CDHR3: variants seen among roughly 807,000 people sequenced by gnomAD.
CDHR3 encodes the protein cadherin related family member 3, also known as cadherin-related family member 3.
A neutral mutation model predicts 86.6 loss-of-function variants in CDHR3; 79 were observed. The ratio of observed to expected loss-of-function variants is 0.91; its 90% CI spans 0.76 to 1.10. CDHR3 has a LOEUF of 1.10. CDHR3 is among the 50% of genes least tolerant of loss of function. The pLI, the probability that CDHR3 is intolerant of heterozygous loss-of-function variation, is 0.00. For synonymous variants in CDHR3, 421 were observed against 402.4 expected, an observed-to-expected ratio of 1.05 and a Z score of -0.55; for missense variants, 1,081 against 1,077.6, an observed-to-expected ratio of 1.00 and a Z score of -0.04.
chr7:105,976,984 T>C (rs996342057), intron 2 of CDHR3, among the ~76,000 whole-genome samples: 20 of 91,666 alleles, frequency 2.2e-4, no homozygotes, highest in Non-Finnish European at 4.2e-4. Flanking sequence ...CCTGATCTCT[T>C]TTTTTTTTTT....
At chr7:106,026,900 A>G (rs1232907040) in intron 16 of CDHR3, among the ~76,000 whole-genome samples, 2 of 152,142 alleles carry the variant, frequency 1.3e-5, no homozygotes, top group African/African-American at 4.8e-5. Context: ...GCCTGCCTGG[A>G]TATCTCAATT....
intron 2 of CDHR3, among the ~76,000 whole-genome samples, chr7:105,975,971 G>A (rs1450495481): frequency 2.0e-5 from 3 of 152,154 alleles, no homozygotes; most frequent in South Asian, 2.1e-4. Context: ...GCAGACCTGC[G>A]GAACCCATGA....
In CDHR3 at chr7:106,022,324, A is replaced by G. The variant is rs1254715739; in HGVS notation, c.1952A>G (p.Tyr651Cys). 11 of 1,613,878 alleles carry G rather than the reference A, an allele frequency of 6.8e-6. No homozygotes were observed. Among genetic ancestry groups the G allele is most frequent in the South Asian group, 5.5e-5 (5 of 91,084 alleles). ...ATCTGGGACTACAAGCTACTTGTCT[A>G]CGTAACTGATGACAACTTGATGTCT... ...DKIWDYKLLVYVTDDNLMSDR... is the reference protein window; with the variant it reads ...DKIWDYKLLVCVTDDNLMSDR... Residue 651 changes from tyrosine to cysteine, a missense_variant, in exon 14 of 19, where the codon TAC becomes TGC. Coordinates refer to ENST00000317716, the MANE Select transcript of CDHR3 (RefSeq NM_152750.5).
chr7:105,993,677 C>CAAAAAA (rs55787798), intron 4 of CDHR3, among the ~76,000 whole-genome samples: 10 of 91,754 alleles, frequency 1.1e-4, no homozygotes, highest in Non-Finnish European at 2.0e-4. Flanking sequence ...CTCTGTCTCA[C>CAAAAAA]AAAAAAAAAA....
chr7:105,983,629 C>T (rs138858039), intron 3 of CDHR3, among the ~76,000 whole-genome samples: 282 of 152,272 alleles, frequency 1.9e-3, no homozygotes, highest in African/African-American at 6.5e-3. Flanking sequence ...TCCCTCCTCC[C>T]CCATCACTGT....
intron 16 of CDHR3, among the ~76,000 whole-genome samples, chr7:106,027,221 C>T (rs539517069): frequency 3.9e-5 from 6 of 151,942 alleles, no homozygotes; most frequent in Non-Finnish European, 8.8e-5. Flanking sequence ...ATGGTGAAAC[C>T]CCCGTCTCTA....
Position 106,032,648 on chromosome 7 carries a change from A to C in CDHR3, c.2609A>C (p.Asn870Thr), listed in dbSNP as rs771563592. 7 of 1,613,856 alleles carry C rather than the reference A, an allele frequency of 4.3e-6. No individual in the cohort carries two copies. The highest frequency in any genetic ancestry group is 5.9e-6 in the Non-Finnish European group (7 of 1,179,832). The change falls in exon 19 of 19, where the codon AAT (asparagine) becomes ACT (threonine). Residue 870 changes from asparagine (N) to threonine (T), a missense_variant. By Grantham distance (65) the Asn-to-Thr change is moderately conservative (BLOSUM62 0). Transcript: ENST00000317716. ...AAGCTGGGCAACCCAAAGAACAGAA[A>C]TCCAGCCTTCATGAACAGGGCTTAC... ...GGKLGNPKNR[N>T]PAFMNRAYPK...
chr7:106,033,970 T>C lies in CDHR3; in HGVS notation c.*1273T>C, dbSNP rs1838704821. On this transcript the variant is annotated 3_prime_UTR_variant, in exon 19 of 19. Coordinates refer to ENST00000317716, the MANE Select transcript of CDHR3 (RefSeq NM_152750.5). ...TGCCAACACTTGGGATTGTCAATCC[T>C]TTTAACTTTAGCCATTCTGGTTAAA... 1.3e-5 allele frequency among the ~76,000 whole-genome samples: 2 copies of C among 152,254 alleles called. No homozygotes were observed. Among genetic ancestry groups the C allele is most frequent in the Non-Finnish European group, 2.9e-5 (2 of 68,040 alleles).
At chr7:105,965,514 T>C (rs1563219236) in intron 1 of CDHR3, among the ~76,000 whole-genome samples, 1 of 151,402 alleles carries the variant, frequency 6.6e-6, no homozygotes, top group African/African-American at 2.4e-5. Flanking sequence ...GTATCCTCTT[T>C]CCTTTCATGT....
At chr7:106,013,447 G>A (rs1182399788) in intron 9 of CDHR3, among the ~76,000 whole-genome samples, 1 of 152,184 alleles carries the variant, frequency 6.6e-6, no homozygotes, top group African/African-American at 2.4e-5. Context: ...AGAACCACTG[G>A]AGACCAGAGG....
At chr7:105,988,827 AT>A (rs1830899601) in intron 4 of CDHR3, among the ~76,000 whole-genome samples, 1 of 152,260 alleles carries the variant, frequency 6.6e-6, no homozygotes, top group Admixed American at 6.5e-5. Flanking sequence ...AATGAAATTA[AT>A]TTTAATAGCT....
intron 15 of CDHR3, among the ~76,000 whole-genome samples, chr7:106,026,336 A>AAAGGATAGGGAT (rs1482392082): frequency 6.6e-6 from 1 of 152,150 alleles, no homozygotes; most frequent in East Asian, 1.9e-4. Context: ...CTTGGGGAGA[A>AAAGGATAGGGAT]AGGGATAGGG....
At chr7:105,999,834 G>A (rs1431012780) in intron 6 of CDHR3, among the ~76,000 whole-genome samples, 1 of 152,236 alleles carries the variant, frequency 6.6e-6, no homozygotes, top group African/African-American at 2.4e-5. Flanking sequence ...TGTCTAACCA[G>A]CTCCCTGGTG....
intron 4 of CDHR3, among the ~76,000 whole-genome samples, chr7:105,991,408 T>G (rs1166721490): frequency 1.3e-5 from 2 of 152,116 alleles, no homozygotes; most frequent in Non-Finnish European, 2.9e-5. Context: ...AAAATCAAGA[T>G]TCCAGGAAAT....
chr7:106,007,913 A>G (rs1585734134), intron 8 of CDHR3, among the ~76,000 whole-genome samples: 3 of 152,328 alleles, frequency 2.0e-5, no homozygotes, highest in Middle Eastern at 3.4e-3. Context: ...TGGGCAATTT[A>G]CAACAGAAAG....
chr7:106,032,848 A>G lies in CDHR3; in HGVS notation c.*151A>G. ...ACATGGGATGTTTGACAAATTTTTA[A>G]ACAAATAGAAAGGGGTTTGATCACA... On this transcript the variant is annotated 3_prime_UTR_variant, in exon 19 of 19. Transcript: ENST00000317716. 1.4e-6 allele frequency: 1 copy of G among 700,632 alleles called. No individual in the cohort carries two copies. Among genetic ancestry groups the G allele is most frequent in the Non-Finnish European group, 2.3e-6 (1 of 429,818 alleles). 43.4% of individuals were successfully genotyped at this position (700,632 alleles called of 1,614,324 possible).
In CDHR3 at chr7:105,984,173, A is replaced by G; in HGVS notation, c.416-19A>G. 2.0e-6 allele frequency: 3 copies of G among 1,486,258 alleles called. No individual in the cohort carries two copies. Among genetic ancestry groups the G allele is most frequent in the Non-Finnish European group, 2.7e-6 (3 of 1,093,228 alleles). The allele number at this position is 1,486,258 out of a possible 1,614,324, so 92.1% of individuals were successfully genotyped here. On this transcript the variant is annotated intron_variant, in intron 3 of 18. Coordinates refer to ENST00000317716, the MANE Select transcript of CDHR3 (RefSeq NM_152750.5). ...GCTTTAATAAGATGTTTCTTATTCC[A>G]CTTTGGACACTGGTCTAGGTCTACA...
At chr7:106,014,955 A>G (rs1835356665) in intron 9 of CDHR3, among the ~76,000 whole-genome samples, 156 bp from the exon 10 acceptor site, 1 of 152,256 alleles carries the variant, frequency 6.6e-6, no homozygotes, top group Non-Finnish European at 1.5e-5. Flanking sequence ...AGGTATGGTC[A>G]TAACTTTTTA....
At chr7:106,002,633 G>A (rs1373230096) in intron 7 of CDHR3, among the ~76,000 whole-genome samples, 1 of 152,146 alleles carries the variant, frequency 6.6e-6, no homozygotes, top group East Asian at 1.9e-4. Context: ...GGATGGATGG[G>A]TTACTTATCC....
Sources: allele counts gnomAD v4.1 joint callset (sites outside exome capture counted in the v4.1 genomes callset), GRCh38; gene constraint gnomAD v4.1.1; transcripts MANE v1.5; gene names NCBI Gene and HGNC (gene_info 2026-07-23, HGNC 2026-07-21).